ITGA1: variants seen among roughly 807,000 people sequenced by gnomAD.
ITGA1 encodes the protein integrin alpha-1.
A neutral mutation model predicts 145.9 loss-of-function variants in ITGA1; 85 were observed. That is an observed-to-expected ratio of 0.58 (90% confidence interval 0.49 to 0.70). The LOEUF (loss-of-function observed/expected upper bound fraction) is 0.70, where lower values mean the gene tolerates loss of function less well. Ranked by LOEUF, ITGA1 falls within the 30% of genes least tolerant of loss-of-function variation. ITGA1 has a pLI of 0.00. For missense variants in ITGA1, 1,351 were observed against 1,418.7 expected (o/e 0.95, Z 0.77); for synonymous variants, 520 against 495.3 (o/e 1.05, Z -0.66).
intron 5 of ITGA1, among the ~76,000 whole-genome samples, chr5:52,865,288 G>A (rs1749669593): frequency 6.6e-6 from 1 of 152,130 alleles, no homozygotes; most frequent in African/African-American, 2.4e-5. Flanking sequence ...ACTTTACAAA[G>A]TCATTTTTAA....
At chr5:52,887,268 T>C (rs900897111) in intron 7 of ITGA1, among the ~76,000 whole-genome samples, 1 of 152,184 alleles carries the variant, frequency 6.6e-6, no homozygotes, top group Non-Finnish European at 1.5e-5. Flanking sequence ...CAGATGTCCC[T>C]ATCCCCAGGA....
At chr5:52,949,597 G>T (rs1385275781) in intron 28 of ITGA1, among the ~76,000 whole-genome samples, 1 of 152,106 alleles carries the variant, frequency 6.6e-6, no homozygotes, top group African/African-American at 2.4e-5. Flanking sequence ...ATATCCTACT[G>T]CTGCAGGCTA....
At chr5:52,952,136 G>T (rs1326620637) in intron 28 of ITGA1, among the ~76,000 whole-genome samples, 2 of 151,236 alleles carry the variant, frequency 1.3e-5, no homozygotes, top group Non-Finnish European at 2.9e-5. Context: ...GTTGCAGTGA[G>T]CGGAGATCAC....
intron 15 of ITGA1, among the ~76,000 whole-genome samples, chr5:52,918,029 C>T (rs1320592219): frequency 6.6e-6 from 1 of 152,152 alleles, no homozygotes; most frequent in Non-Finnish European, 1.5e-5. Flanking sequence ...CCTCAGTATC[C>T]ATATATTCTC....
chr5:52,791,951 C>T (rs1452741543), intron 1 of ITGA1, among the ~76,000 whole-genome samples: 2 of 152,072 alleles, frequency 1.3e-5, no homozygotes, highest in African/African-American at 4.8e-5. Context: ...TATTGGCTGC[C>T]TAAAGATAAG....
chr5:52,789,502 T>C (rs1748197849), intron 1 of ITGA1, among the ~76,000 whole-genome samples: 1 of 152,182 alleles, frequency 6.6e-6, no homozygotes, highest in Admixed American at 6.5e-5. Flanking sequence ...TAGAAGTTGA[T>C]TATCAGCAAG....
chr5:52,843,801 T>C (rs1490622915), intron 1 of ITGA1, among the ~76,000 whole-genome samples: 1 of 152,178 alleles, frequency 6.6e-6, no homozygotes. Flanking sequence ...GTTGAAATCT[T>C]GCTTCTGTCA....
chr5:52,916,024 C>G (rs1232331224), intron 15 of ITGA1, among the ~76,000 whole-genome samples: 2 of 152,156 alleles, frequency 1.3e-5, no homozygotes, highest in African/African-American at 2.4e-5. Flanking sequence ...TATTGTTGGT[C>G]AAGCCTAGAG....
Position 52,950,380 on chromosome 5 carries a change from T to C in ITGA1, c.3496-2027T>C, listed in dbSNP as rs79834829. On this transcript the variant is annotated intron_variant, in intron 28 of 28. Transcript: ENST00000282588. ...CTGGTGTCTCACCACTTTTTAGTCTTTTATACATTAGTATGAATTTATTCA... is the reference window on the plus strand; with the variant it reads ...CTGGTGTCTCACCACTTTTTAGTCTCTTATACATTAGTATGAATTTATTCA... 6.7e-3 allele frequency among the ~76,000 whole-genome samples: 1,024 copies of C among 152,324 alleles called. 11 individuals are homozygous for C. Among genetic ancestry groups the C allele is most frequent in the African/African-American group, 0.023 (975 of 41,568 alleles).
At chr5:52,809,205 G>T (rs1748645128) in intron 1 of ITGA1, among the ~76,000 whole-genome samples, 1 of 152,104 alleles carries the variant, frequency 6.6e-6, no homozygotes, top group African/African-American at 2.4e-5. Context: ...TACCTACTAT[G>T]TGACAGGGAC....
At position 52,908,945 on chromosome 5, in the gene ITGA1, G is replaced by C; in HGVS notation, c.1503G>C (p.Lys501Asn). 6.2e-7 allele frequency: 1 copy of C among 1,613,800 alleles called. No individual in the cohort carries two copies. The highest frequency in any genetic ancestry group is 8.5e-7 in the Non-Finnish European group (1 of 1,179,830). Residue 501 changes from lysine to asparagine, a missense_variant, in exon 13 of 29, where the codon AAG (lysine) becomes AAC (asparagine). Coordinates refer to ENST00000282588, the MANE Select transcript of ITGA1 (RefSeq NM_181501.2). ...TTTTAACAACAACTGACATTGACAAGGATTCTAATACTGACATTCTTCTAG... is the reference window on the plus strand; with the variant it reads ...TTTTAACAACAACTGACATTGACAACGATTCTAATACTGACATTCTTCTAG... ...GSILTTTDID[K>N]DSNTDILLVG...
chr5:52,835,794 CAACTT>C (rs892369849), intron 1 of ITGA1, among the ~76,000 whole-genome samples: 28 of 152,204 alleles, frequency 1.8e-4, no homozygotes, highest in African/African-American at 6.5e-4. Context: ...ATTCAAATCA[CAACTT>C]AAAAGCAAGG....
intron 3 of ITGA1, among the ~76,000 whole-genome samples, chr5:52,862,218 CA>C (rs11323830): frequency 0.7 from 67,065 of 96,236 alleles, 20,740 homozygotes; most frequent in Middle Eastern, 0.74. Flanking sequence ...AACTCCATCT[CA>C]AAAAAAAAAA....
intron 1 of ITGA1, among the ~76,000 whole-genome samples, chr5:52,807,823 T>C (rs935945725): frequency 6.6e-6 from 1 of 152,162 alleles, no homozygotes; most frequent in Non-Finnish European, 1.5e-5. Context: ...TTCAGCAAGC[T>C]TTTTTTGTTG....
intron 2 of ITGA1, among the ~76,000 whole-genome samples, chr5:52,852,593 C>T (rs1176052092): frequency 6.6e-6 from 1 of 152,084 alleles, no homozygotes; most frequent in African/African-American, 2.4e-5. Context: ...AAGGGAAATT[C>T]ACTTATCAGG....
intron 21 of ITGA1, 124 bp downstream of exon 21, chr5:52,929,825 G>T: frequency 1.9e-6 from 1 of 515,048 alleles, no homozygotes; most frequent in Non-Finnish European, 3.5e-6. Context: ...CAGTAGAAGT[G>T]GAAGGCAATT....
At chr5:52,861,404 T>C in intron 2 of ITGA1, 43 bp from the exon 3 acceptor site, 1 of 1,190,662 alleles carries the variant, frequency 8.4e-7, no homozygotes. Context: ...TATAAACTGT[T>C]TCTCAATGTT....
intron 17 of ITGA1, 54 bp downstream of exon 17, chr5:52,920,522 G>A: frequency 7.4e-7 from 1 of 1,346,634 alleles, no homozygotes; most frequent in South Asian, 1.8e-5. Context: ...ATACAGTAGA[G>A]ATGTCTTATT....
intron 20 of ITGA1, 100 bp downstream of exon 20, chr5:52,927,764 C>A (rs114301503): frequency 7.8e-6 from 6 of 772,896 alleles, no homozygotes; most frequent in African/African-American, 1.7e-5. Context: ...TAGGATAATA[C>A]GGATGAAAAA....
Sources: allele counts gnomAD v4.1 joint callset (sites outside exome capture counted in the v4.1 genomes callset), GRCh38; gene constraint gnomAD v4.1.1; transcripts MANE v1.5; gene names NCBI Gene and HGNC (gene_info 2026-07-23, HGNC 2026-07-21).